The following ARMH4 variants were observed in gnomAD, a reference collection of about 807,000 sequenced individuals.
ARMH4 encodes armadillo like helical domain containing 4, also known as armadillo-like helical domain-containing protein 4.
A neutral mutation model predicts 61.9 loss-of-function variants in ARMH4; 49 were observed. The observed-to-expected ratio is 0.79, with a 90% confidence interval of 0.63 to 1.00. The LOEUF is 1.00. Ranked by LOEUF, ARMH4 falls within the 50% of genes least tolerant of loss-of-function variation. The pLI is 0.00. For missense variants in ARMH4, 934 were observed against 930.0 expected, an observed-to-expected ratio of 1.00 and a Z score of -0.06; for synonymous variants, 368 against 341.5, an observed-to-expected ratio of 1.08 and a Z score of -0.85.
At chr14:58,020,142 C>G (rs9323322) in intron 5 of ARMH4, among the ~76,000 whole-genome samples, 79,161 of 151,916 alleles carry the variant, frequency 0.52, 20,961 homozygotes, top group East Asian at 0.67. Flanking sequence ...GTAGTGCTCA[C>G]AGTCACACAG....
intron 5 of ARMH4, among the ~76,000 whole-genome samples, chr14:58,067,993 T>C (rs1459473449): frequency 6.6e-5 from 10 of 152,230 alleles, no homozygotes; most frequent in African/African-American, 2.4e-4. Context: ...GGTATGTCAT[T>C]GAAGCACCAT....
intron 5 of ARMH4, among the ~76,000 whole-genome samples, chr14:58,069,096 C>T (rs1884798985): frequency 6.6e-6 from 1 of 151,934 alleles, no homozygotes; most frequent in South Asian, 2.1e-4. Context: ...ATCATCAGTT[C>T]ATGATCTACC....
At chr14:58,145,094 G>A (rs1010005600) in intron 1 of ARMH4, among the ~76,000 whole-genome samples, 9 of 152,216 alleles carry the variant, frequency 5.9e-5, no homozygotes, top group South Asian at 2.1e-4. Flanking sequence ...CTTACTAAAC[G>A]TGTGGCCTAA....
chr14:58,143,532 C>T lies in ARMH4; in HGVS notation c.-56-4118G>A, dbSNP rs150753398. The stretch of plus-strand genomic sequence containing the variant: ...AGGCTGGAGTGCACTGATGCCATCT[C>T]GGCTCGCTGCAACCTCTGTCACCCA... On this transcript the variant is annotated intron_variant, in intron 1 of 7. Transcript: ENST00000267485. Among the ~76,000 whole-genome samples the T allele has an allele frequency of 7.8e-3, 1,195 of 152,246 alleles. 12 individuals carry two copies. Among genetic ancestry groups the T allele is most frequent in the African/African-American group, 0.027 (1,141 of 41,550 alleles).
At chr14:58,064,355 C>G (rs1190530701) in intron 5 of ARMH4, among the ~76,000 whole-genome samples, 1 of 152,160 alleles carries the variant, frequency 6.6e-6, no homozygotes, top group Non-Finnish European at 1.5e-5. Context: ...ACTATCTTTG[C>G]TATTTAAATT....
Position 58,138,999 on chromosome 14 carries a change from G to A in ARMH4, c.360C>T (p.Pro120=). The A allele has an allele frequency of 6.2e-7, 1 of 1,614,216 alleles. No homozygotes were observed. The highest frequency in any genetic ancestry group is 8.5e-7 in the Non-Finnish European group (1 of 1,180,042). ...GVSTPTESGV[P]SAEEVFGSSQ... ...TGGAACCAAATACTTCTTCAGCTGA[G>A]GGGACACCTGACTCAGTAGGTGTGG... Residue 120 remains proline, a synonymous_variant, in exon 2 of 8, where the codon CCC becomes CCT. Coordinates refer to ENST00000267485, the MANE Select transcript of ARMH4 (RefSeq NM_001001872.4).
chr14:58,007,032 T>C (rs1025494267), intron 6 of ARMH4, among the ~76,000 whole-genome samples: 2 of 152,160 alleles, frequency 1.3e-5, no homozygotes, highest in Admixed American at 1.3e-4. Context: ...TGTGGGAAAA[T>C]ACTGAACAAC....
chr14:58,045,011 G>A (rs1428345213), intron 5 of ARMH4, among the ~76,000 whole-genome samples: 1 of 152,240 alleles, frequency 6.6e-6, no homozygotes, highest in African/African-American at 2.4e-5. Flanking sequence ...TACACTGTTG[G>A]TGGGACTGTA....
chr14:58,116,435 G>T (rs1594766582), intron 4 of ARMH4: 1 of 385,546 alleles, frequency 2.6e-6, no homozygotes, highest in East Asian at 8.2e-5. Context: ...AACACTTTGG[G>T]AGGCCGAGGC....
intron 5 of ARMH4, among the ~76,000 whole-genome samples, chr14:58,042,057 G>A (rs1338905559): frequency 6.6e-6 from 1 of 151,658 alleles, no homozygotes; most frequent in Non-Finnish European, 1.5e-5. Context: ...AGTTAACAAG[G>A]ATATCCAGGA....
intron 4 of ARMH4, among the ~76,000 whole-genome samples, chr14:58,130,471 T>G (rs1197455716): frequency 2.6e-5 from 4 of 152,196 alleles, no homozygotes; most frequent in Non-Finnish European, 5.9e-5. Flanking sequence ...GCTAATTGAG[T>G]GCCCAAAAGC....
In ARMH4 at chr14:58,138,387, C is replaced by G; in HGVS notation, c.972G>C (p.Arg324=). 1 of 1,614,168 alleles carries G rather than the reference C, an allele frequency of 6.2e-7. No homozygotes were observed. The highest frequency in any genetic ancestry group is 8.5e-7 in the Non-Finnish European group (1 of 1,180,030). The stretch of plus-strand genomic sequence containing the variant: ...TGTCTCCAAGCTTGGGGGTCCTTAT[C>G]CGGCTTACACTCTCTAATTTGGTGT... ...WDDTKLESVS[R]IRTPKLGDNE... is the part of the protein sequence containing the mutation. Residue 324 remains arginine (R), a synonymous_variant, in exon 2 of 8, where the codon CGG becomes CGC. Coordinates refer to ENST00000267485, the MANE Select transcript of ARMH4 (RefSeq NM_001001872.4).
intron 1 of ARMH4, among the ~76,000 whole-genome samples, chr14:58,146,483 T>A (rs1396738234): frequency 1.6e-4 from 24 of 152,230 alleles, no homozygotes; most frequent in Admixed American, 1.5e-3. Flanking sequence ...TCAGAGCAGG[T>A]CAGTAGCACT....
chr14:58,000,896 T>G lies in ARMH4; in HGVS notation c.*3840A>C, dbSNP rs1210843110. The G allele has an allele frequency of 6.6e-6, 1 of 152,338 alleles. No individual in the cohort carries two copies. The highest frequency in any genetic ancestry group is 1.5e-5 in the Non-Finnish European group (1 of 68,164). 9.4% of individuals were successfully genotyped at this position (152,338 alleles called of 1,614,324 possible). ...GCGTGAGCCACCACACCCGGCCCTC[T>G]TAACAAATTTTTAACTGCACAGTAC... is the stretch of plus-strand genomic sequence containing the variant. On this transcript the variant is annotated 3_prime_UTR_variant, in exon 8 of 8. Coordinates refer to ENST00000267485, the MANE Select transcript of ARMH4 (RefSeq NM_001001872.4).
intron 6 of ARMH4, among the ~76,000 whole-genome samples, chr14:58,008,710 G>A (rs1311043908): frequency 6.6e-6 from 1 of 152,162 alleles, no homozygotes; most frequent in Non-Finnish European, 1.5e-5. Flanking sequence ...CCCATTCCCA[G>A]AGTTCCTGGG....
intron 2 of ARMH4, among the ~76,000 whole-genome samples, chr14:58,134,829 T>A (rs762182224): frequency 6.6e-6 from 1 of 151,824 alleles, no homozygotes; most frequent in Non-Finnish European, 1.5e-5. Context: ...TAGTGGCACA[T>A]TCCTGTCATC....
intron 4 of ARMH4, chr14:58,116,472 T>C (rs1269124357): frequency 6.6e-6 from 2 of 304,290 alleles, no homozygotes; most frequent in South Asian, 5.4e-5. Context: ...CCCAGGAGTT[T>C]GAGACGAGCC....
chr14:58,104,597 A>G (rs893435325), intron 4 of ARMH4, among the ~76,000 whole-genome samples: 1 of 152,218 alleles, frequency 6.6e-6, no homozygotes, highest in African/African-American at 2.4e-5. Context: ...TTTTAGTTGT[A>G]TGTCACCTAT....
At chr14:58,019,115 G>C (rs1184762618) in intron 5 of ARMH4, among the ~76,000 whole-genome samples, 1 of 152,082 alleles carries the variant, frequency 6.6e-6, no homozygotes, top group Non-Finnish European at 1.5e-5. Flanking sequence ...GTGTAGGAGG[G>C]GGTCACGTTG....
Sources: gnomAD v4.1 joint callset for allele counts (sites outside exome capture counted in the v4.1 genomes callset) on GRCh38, gnomAD v4.1.1 for gene constraint, MANE v1.5 for transcripts, NCBI Gene and HGNC (gene_info 2026-07-23, HGNC 2026-07-21) for gene names.